OGA: variants seen among roughly 807,000 people sequenced by gnomAD.
The protein encoded by OGA is protein O-GlcNAcase.
OGA carries 21 observed loss-of-function variants against 102.0 expected under a neutral mutation model. That is an observed-to-expected ratio of 0.21 (90% CI 0.15 to 0.30). The LOEUF is 0.30. Ranked by LOEUF, OGA falls within the 10% of genes least tolerant of loss-of-function variation. The pLI is 1.00. For missense variants in OGA, 765 were observed against 1,107.8 expected, an observed-to-expected ratio of 0.69 and a Z score of 4.39; for synonymous variants, 408 against 378.2, an observed-to-expected ratio of 1.08 and a Z score of -0.91.
chr10:101,791,992 A>G (rs565770171), intron 12 of OGA, among the ~76,000 whole-genome samples: 40 of 151,660 alleles, frequency 2.6e-4, no homozygotes, highest in African/African-American at 9.2e-4. Context: ...ACGCCCAGCT[A>G]ATTTAGTATT....
intron 4 of OGA, among the ~76,000 whole-genome samples, chr10:101,809,085 T>C (rs189613562): frequency 6.6e-6 from 1 of 152,352 alleles, no homozygotes; most frequent in Non-Finnish European, 1.5e-5. Flanking sequence ...TCTTCTCATC[T>C]TGGGAAACTA....
intron 7 of OGA, 22 bp downstream of exon 7, chr10:101,803,713 A>G (rs17697930): frequency 0.053 from 84,081 of 1,595,636 alleles, 2,555 homozygotes; most frequent in Middle Eastern, 0.084. Flanking sequence ...CCAAGGTGAA[A>G]GATCAAGTAC....
At chr10:101,806,245 C>T in intron 5 of OGA, 102 bp from the exon 6 acceptor site, 1 of 699,776 alleles carries the variant, frequency 1.4e-6, no homozygotes, top group Non-Finnish European at 2.5e-6. Context: ...TCTTGATGCC[C>T]AGGCTAGAGT....
At position 101,817,849 on chromosome 10, in the gene OGA, C is replaced by T; in HGVS notation, c.174G>A (p.Arg58=). The change falls in exon 1 of 16, where the codon CGG becomes CGA. Residue 58 remains arginine, a synonymous_variant. Transcript: ENST00000361464. ...CTTCCACCACACCGCAGAGGAACCG[C>T]CGAGCCCCTCCTGCAGCCCCGGCCA... ...AAVAGAAGGA[R]RFLCGVVEGF... 6.5e-7 allele frequency: 1 copy of T among 1,541,102 alleles called. No individual in the cohort carries two copies. Among genetic ancestry groups the T allele is most frequent in the Non-Finnish European group, 8.7e-7 (1 of 1,147,110 alleles).
At chr10:101,805,632 G>A (rs1324949666) in intron 6 of OGA, among the ~76,000 whole-genome samples, 1 of 139,106 alleles carries the variant, frequency 7.2e-6, no homozygotes, top group East Asian at 2.2e-4. Flanking sequence ...TCCAGCCTGG[G>A]CAACAAGAGC....
Position 101,798,028 on chromosome 10 carries a change from C to T in OGA, c.1936G>A (p.Asp646Asn). The change falls in exon 10 of 16, where the codon GAT becomes AAT. Residue 646 changes from aspartate (D) to asparagine (N), a missense_variant. Transcript: ENST00000361464. ...ILYDMYSYVW[D>N]IKSIMSMVKS... Reference sequence around the variant, plus strand: ...ACCATAGACATTATACTCTTGATATCCCAAACATAGGAGTACATGTCATAA... The same window carrying T: ...ACCATAGACATTATACTCTTGATATTCCAAACATAGGAGTACATGTCATAA... 1 of 1,613,942 alleles carries T rather than the reference C, an allele frequency of 6.2e-7. No individual in the cohort carries two copies. The highest frequency in any genetic ancestry group is 8.5e-7 in the Non-Finnish European group (1 of 1,179,914).
chr10:101,814,529 C>G (rs185189200), intron 1 of OGA, among the ~76,000 whole-genome samples: 132 of 152,244 alleles, frequency 8.7e-4, no homozygotes, highest in Admixed American at 3.6e-3. Flanking sequence ...GCGGAGGCTG[C>G]GGTGAGCCAA....
chr10:101,804,987 G>C lies in OGA; in HGVS notation c.752-968C>G, dbSNP rs181620279. Among the ~76,000 whole-genome samples the C allele has an allele frequency of 8.7e-4, 133 of 152,200 alleles. 1 individual carries two copies. The highest frequency in any genetic ancestry group is 3.2e-3 in the African/African-American group (132 of 41,526). On this transcript the variant is annotated intron_variant, in intron 6 of 15. Transcript: ENST00000361464. Reference sequence around the variant, plus strand: ...AGAAGAGTTTCCTAACGCTGCTTAAGGATGGGATCAATACCTTTTAGCCCA... The same window carrying C: ...AGAAGAGTTTCCTAACGCTGCTTAACGATGGGATCAATACCTTTTAGCCCA...
In OGA at chr10:101,818,218, C is replaced by G; in HGVS notation, c.-196G>C. ...GATGAGAAGGGCGGCGGCACCGGCG[C>G]GAGCCCTTTGTCAGCCGCAGCCTCG... On this transcript the variant is annotated 5_prime_UTR_variant, in exon 1 of 16. Coordinates refer to ENST00000361464, the MANE Select transcript of OGA (RefSeq NM_012215.5). The G allele has an allele frequency of 1.5e-6, 2 of 1,340,916 alleles. No individual in the cohort carries two copies. The highest frequency in any genetic ancestry group is 3.0e-5 in the East Asian group (1 of 33,040). 83.1% of individuals were successfully genotyped at this position (1,340,916 alleles called of 1,614,324 possible). A position where few individuals can be genotyped will look rare whatever the true frequency, so the allele number is the denominator to read the frequency against.
At chr10:101,792,530 C>T (rs1331753395) in intron 12 of OGA, 3 of 211,244 alleles carry the variant, frequency 1.4e-5, no homozygotes, top group African/African-American at 6.9e-5. Context: ...AATTACAGAA[C>T]ACCAATATAT....
At chr10:101,804,338 T>A (rs2065438370) in intron 6 of OGA, among the ~76,000 whole-genome samples, 1 of 149,840 alleles carries the variant, frequency 6.7e-6, no homozygotes, top group Non-Finnish European at 1.5e-5. Context: ...AGTGGTGTGA[T>A]CTCGGCTCAC....
intron 5 of OGA, among the ~76,000 whole-genome samples, chr10:101,807,210 T>C (rs993816286): frequency 6.6e-6 from 1 of 152,112 alleles, no homozygotes; most frequent in African/African-American, 2.4e-5. Context: ...TTCCTGTAAG[T>C]TGAATTTTGA....
At chr10:101,796,826 G>A (rs1340277766) in intron 10 of OGA, among the ~76,000 whole-genome samples, 1 of 152,046 alleles carries the variant, frequency 6.6e-6, no homozygotes, top group Non-Finnish European at 1.5e-5. Flanking sequence ...CTGATCTCAA[G>A]TGATCCACCC....
rs367808024 is a variant in OGA at position 101,803,485 on chromosome 10, A to G, written c.1036+250T>C. Among the ~76,000 whole-genome samples, 28 of 152,028 alleles carry G rather than the reference A, an allele frequency of 1.8e-4. No homozygotes were observed. In the South Asian group the frequency reaches 3.1e-3, roughly 17 times the overall value. On this transcript the variant is annotated intron_variant, in intron 7 of 15. Transcript: ENST00000361464. ...AAACAAAAAAAAAAAAACTAAGGCA[A>G]AGAGGTTAAGTGACTTGTCCAAAGA...
intron 10 of OGA, among the ~76,000 whole-genome samples, chr10:101,794,488 G>A (rs1490916376): frequency 6.6e-6 from 1 of 152,074 alleles, no homozygotes; most frequent in African/African-American, 2.4e-5. Context: ...AGAAAACTAA[G>A]GTCAGTAGAA....
chr10:101,800,986 A>C (rs575334442), intron 7 of OGA, among the ~76,000 whole-genome samples: 116 of 151,734 alleles, frequency 7.6e-4, no homozygotes, highest in Non-Finnish European at 1.4e-3. Context: ...TGTTGGCCAG[A>C]CTGGTCTCGA....
At position 101,799,371 on chromosome 10, in the gene OGA, G is replaced by A. The variant is rs770327656; in HGVS notation, c.1280C>T (p.Thr427Ile). Reference sequence around the variant, plus strand: ...CTCCTGATAAACTGTTGTTACTACGGTTGTGGCATTTAAAGAGGGTGCTGC... The same window carrying A: ...CTCCTGATAAACTGTTGTTACTACGATTGTGGCATTTAAAGAGGGTGCTGC... ...LVAAPSLNATTVVTTVYQEPI... is the reference protein window; with the variant it reads ...LVAAPSLNATIVVTTVYQEPI... Residue 427 changes from threonine to isoleucine, a missense_variant, in exon 9 of 16, where the codon ACC becomes ATC. By Grantham distance (89) the Thr-to-Ile change is moderately conservative (BLOSUM62 -1). Coordinates refer to ENST00000361464, the MANE Select transcript of OGA (RefSeq NM_012215.5). The A allele has an allele frequency of 6.2e-7, 1 of 1,614,186 alleles. No individual in the cohort carries two copies. Among genetic ancestry groups the A allele is most frequent in the South Asian group, 1.1e-5 (1 of 91,084 alleles).
chr10:101,800,215 C>T, intron 8 of OGA, 27 bp downstream of exon 8: 1 of 1,605,356 alleles, frequency 6.2e-7, no homozygotes, highest in Non-Finnish European at 8.5e-7. Flanking sequence ...TGATCTAACC[C>T]CCTTAACAAA....
chr10:101,787,243 T>A, intron 15 of OGA, 121 bp downstream of exon 15: 1 of 1,082,758 alleles, frequency 9.2e-7, no homozygotes, highest in South Asian at 2.0e-5. Flanking sequence ...AGAAACCAAA[T>A]CATAAAAGGT....
Sources: allele counts gnomAD v4.1 joint callset (sites outside exome capture counted in the v4.1 genomes callset), GRCh38; gene constraint gnomAD v4.1.1; transcripts MANE v1.5; gene names NCBI Gene and HGNC (gene_info 2026-07-23, HGNC 2026-07-21).